The following STIM1 variants were observed in gnomAD, a reference collection of about 807,000 sequenced individuals.
STIM1 encodes the protein stromal interaction molecule 1.
In STIM1, 25 loss-of-function variants were observed where a neutral mutation model predicts 74.7. The ratio of observed to expected loss-of-function variants is 0.33; its 90% CI spans 0.24 to 0.47. The LOEUF is 0.47. Among genes scored for constraint, STIM1 ranks in the 20% least tolerant of loss-of-function variants. STIM1 has a pLI of 1.00. For synonymous variants in STIM1, 328 were observed against 348.8 expected, an observed-to-expected ratio of 0.94 and a Z score of 0.66; for missense variants, 728 against 920.8, an observed-to-expected ratio of 0.79 and a Z score of 2.71.
At chr11:4,085,146 C>G (rs1396359622) in intron 11 of STIM1, among the ~76,000 whole-genome samples, 4 of 151,318 alleles carry the variant, frequency 2.6e-5, no homozygotes, top group Non-Finnish European at 5.9e-5. Context: ...CCCTTCCCCC[C>G]CCTATTCCAG....
chr11:3,862,953 C>T (rs866207116), intron 1 of STIM1, among the ~76,000 whole-genome samples: 2 of 152,006 alleles, frequency 1.3e-5, no homozygotes, highest in Admixed American at 6.6e-5. Flanking sequence ...AGTGCAATGG[C>T]GCCATCTCGG....
intron 1 of STIM1, among the ~76,000 whole-genome samples, chr11:3,962,679 G>T (rs895441054): frequency 2.6e-5 from 4 of 152,024 alleles, no homozygotes; most frequent in African/African-American, 9.7e-5. Context: ...CATAGAGGTT[G>T]TACTGGTGCA....
chr11:3,946,268 A>C (rs1268662142), intron 1 of STIM1, among the ~76,000 whole-genome samples: 1 of 152,230 alleles, frequency 6.6e-6, no homozygotes, highest in African/African-American at 2.4e-5. Flanking sequence ...TATCTGTTAA[A>C]TGGGAATCAA....
chr11:3,949,302 C>A (rs918058399), intron 1 of STIM1, among the ~76,000 whole-genome samples: 6 of 152,104 alleles, frequency 3.9e-5, no homozygotes, highest in African/African-American at 1.4e-4. Context: ...ATGTACAAAG[C>A]CACAAAGTGA....
chr11:3,939,813 A>C (rs1321113476), intron 1 of STIM1, among the ~76,000 whole-genome samples: 1 of 152,070 alleles, frequency 6.6e-6, no homozygotes, highest in Non-Finnish European at 1.5e-5. Context: ...TATTCTTCTG[A>C]GCTGCCTGGG....
At chr11:4,036,836 G>A (rs2094107171) in intron 3 of STIM1, among the ~76,000 whole-genome samples, 1 of 151,224 alleles carries the variant, frequency 6.6e-6, no homozygotes, top group Non-Finnish European at 1.5e-5. Flanking sequence ...AAAGTTTCAT[G>A]ATGAAAATGC....
At chr11:3,899,425 A>C (rs1411086005) in intron 1 of STIM1, among the ~76,000 whole-genome samples, 4,713 of 152,216 alleles carry the variant, frequency 0.031, 218 homozygotes, top group African/African-American at 0.11. Flanking sequence ...GGCTGAGACA[A>C]TGGGGTTTTC....
chr11:3,860,448 C>G (rs1463052351), intron 1 of STIM1, among the ~76,000 whole-genome samples: 1 of 152,164 alleles, frequency 6.6e-6, no homozygotes, highest in Non-Finnish European at 1.5e-5. Context: ...TTCTCTCTAC[C>G]TCTACTTTAG....
At chr11:3,895,655 T>C (rs978651661) in intron 1 of STIM1, among the ~76,000 whole-genome samples, 7 of 14,064 alleles carry the variant, frequency 5.0e-4, no homozygotes, top group African/African-American at 1.2e-3. Flanking sequence ...TCTTTCTTTC[T>C]TTCTTTCTTT....
chr11:3,905,175 T>C (rs1015121667), intron 1 of STIM1, among the ~76,000 whole-genome samples: 1 of 152,024 alleles, frequency 6.6e-6, no homozygotes, highest in South Asian at 2.1e-4. Flanking sequence ...GAAATGAGGC[T>C]ACTGAGTCAT....
chr11:4,088,729 C>T, intron 12 of STIM1: 2 of 1,535,838 alleles, frequency 1.3e-6, no homozygotes, highest in Non-Finnish European at 1.7e-6. Context: ...CAAACAGGCT[C>T]TCTAGTAAGG....
Position 3,973,909 on chromosome 11 carries a change from T to C in STIM1, c.270+6227T>C, listed in dbSNP as rs562086779. 2.8e-5 allele frequency: 14 copies of C among 493,150 alleles called. 2 individuals are homozygous for C. In the South Asian group the frequency reaches 3.4e-4, roughly 12 times the overall value. The allele number at this position is 493,150 out of a possible 1,614,324, so 30.5% of individuals were successfully genotyped here. A position where few individuals can be genotyped will look rare whatever the true frequency, so the allele number is the denominator to read the frequency against. On this transcript the variant is annotated intron_variant, in intron 2 of 12. Transcript: ENST00000526596. ...AAAACAAATTTTTTTAAATTTAAAATGTATCTTTTTTAAAGCCCCCAACAA... is the reference window on the plus strand; with the variant it reads ...AAAACAAATTTTTTTAAATTTAAAACGTATCTTTTTTAAAGCCCCCAACAA...
At chr11:3,949,121 A>C (rs1475510877) in intron 1 of STIM1, among the ~76,000 whole-genome samples, 3 of 152,214 alleles carry the variant, frequency 2.0e-5, no homozygotes, top group Non-Finnish European at 2.9e-5. Context: ...TGATACAGAG[A>C]AGCACAGGGA....
Position 4,091,747 on chromosome 11 carries a change from A to C in STIM1, c.2100A>C (p.Pro700=), listed in dbSNP as rs754273677. ...GSIGEETDSS[P]GRKKFPLKIF... The stretch of plus-strand genomic sequence containing the variant: ...TTGGCGAGGAAACAGACTCCAGCCC[A>C]GGCCGGAAGAAGTTTCCCCTCAAAA... Residue 700 remains proline (P), a synonymous_variant, in exon 13 of 13, where the codon CCA becomes CCC. Transcript: ENST00000526596. The C allele has an allele frequency of 1.2e-6, 2 of 1,612,366 alleles. No individual in the cohort carries two copies. The highest frequency in any genetic ancestry group is 1.1e-5 in the South Asian group (1 of 91,084).
chr11:3,941,638 T>C (rs868869017), intron 1 of STIM1, among the ~76,000 whole-genome samples: 1 of 91,868 alleles, frequency 1.1e-5, no homozygotes, highest in Admixed American at 1.1e-4. Context: ...TATAGAGAGA[T>C]AGTGTGTGTG....
At chr11:4,009,684 A>G (rs1243034747) in intron 2 of STIM1, among the ~76,000 whole-genome samples, 1 of 152,106 alleles carries the variant, frequency 6.6e-6, no homozygotes, top group East Asian at 1.9e-4. Context: ...TCATAAAAAT[A>G]GTGTGCTTGC....
intron 2 of STIM1, among the ~76,000 whole-genome samples, chr11:4,001,405 A>C (rs939135800): frequency 9.9e-5 from 15 of 152,220 alleles, no homozygotes; most frequent in Non-Finnish European, 2.1e-4. Context: ...AAACTCTACA[A>C]GCCAGAAGAG....
rs530342225 is a variant in STIM1 at position 3,947,545 on chromosome 11, C to A, written c.140-20007C>A. On this transcript the variant is annotated intron_variant, in intron 1 of 12. Coordinates refer to ENST00000526596, the MANE Select transcript of STIM1 (RefSeq NM_001382567.1). ...CCCTCTGTTTCACCTGTTTTTTCCACATACTCCATCCTACAAGAGACACAG... is the reference window on the plus strand; with the variant it reads ...CCCTCTGTTTCACCTGTTTTTTCCAAATACTCCATCCTACAAGAGACACAG... 5 of 152,308 alleles carry A rather than the reference C, an allele frequency of 3.3e-5. No homozygotes were observed. The East Asian group carries it at 7.7e-4, about 24-fold the overall frequency. 9.4% of individuals were successfully genotyped at this position (152,308 alleles called of 1,614,324 possible).
At chr11:3,960,111 T>A (rs1456200519) in intron 1 of STIM1, among the ~76,000 whole-genome samples, 2 of 152,244 alleles carry the variant, frequency 1.3e-5, no homozygotes, top group Admixed American at 1.3e-4. Flanking sequence ...TTGATGGTTA[T>A]CTCAAGGAAA....
Sources: allele counts gnomAD v4.1 joint callset (sites outside exome capture counted in the v4.1 genomes callset), GRCh38; gene constraint gnomAD v4.1.1; transcripts MANE v1.5; gene names NCBI Gene and HGNC (gene_info 2026-07-23, HGNC 2026-07-21).